Variants in SYT1 observed in about 807,000 individuals in gnomAD.
SYT1 encodes the protein synaptotagmin-1.
Under a neutral mutation model 44.8 loss-of-function variants are expected in SYT1, and 8 were observed. That is an observed-to-expected ratio of 0.18 (90% confidence interval 0.10 to 0.32). The LOEUF (loss-of-function observed/expected upper bound fraction) is 0.32, where lower values mean the gene tolerates loss of function less well. Ranked by LOEUF, SYT1 falls within the 10% of genes least tolerant of loss-of-function variation. The probability of loss-of-function intolerance (pLI) is 1.00; values close to 1 mark genes in which losing one functional copy is unlikely to be tolerated. For missense variants in SYT1, 286 were observed against 509.3 expected, an observed-to-expected ratio of 0.56 and a Z score of 4.22; for synonymous variants, 154 against 188.8, an observed-to-expected ratio of 0.82 and a Z score of 1.51.
chr12:79,393,207 A>C (rs1329404567), intron 9 of SYT1: 1 of 152,086 alleles, frequency 6.6e-6, no homozygotes. Context: ...TCTATTATTG[A>C]TGGACGTTTG....
intron 1 of SYT1, among the ~76,000 whole-genome samples, chr12:78,908,200 T>G (rs1281407503): frequency 1.3e-5 from 2 of 151,908 alleles, no homozygotes; most frequent in African/African-American, 2.4e-5. Context: ...TAACTTCATC[T>G]CCCTCTGCCT....
chr12:79,305,809 GC>G (rs1187925371), intron 8 of SYT1, among the ~76,000 whole-genome samples: 1 of 152,134 alleles, frequency 6.6e-6, no homozygotes, highest in Non-Finnish European at 1.5e-5. Flanking sequence ...CGATTCTCCT[GC>G]CTCAGCCGCC....
intron 1 of SYT1, among the ~76,000 whole-genome samples, chr12:78,911,303 T>C (rs926742582): frequency 2.0e-5 from 3 of 152,042 alleles, no homozygotes; most frequent in East Asian, 3.9e-4. Context: ...CTAGGAGAGA[T>C]GTCTTATAGA....
intron 3 of SYT1, among the ~76,000 whole-genome samples, chr12:79,108,559 A>T (rs1349001128): frequency 6.6e-6 from 1 of 152,104 alleles, no homozygotes; most frequent in East Asian, 1.9e-4. Context: ...TGCCCCTTGG[A>T]TAGGAATGCA....
chr12:79,449,509 A>G lies in SYT1; in HGVS notation c.*385A>G. The G allele has an allele frequency of 5.3e-6, 1 of 187,950 alleles. No individual in the cohort carries two copies. Among genetic ancestry groups the G allele is most frequent in the Non-Finnish European group, 1.1e-5 (1 of 89,662 alleles). The allele number at this position is 187,950 out of a possible 1,614,324, so 11.6% of individuals were successfully genotyped here. ...TTAATAAGATGTTCTATTTTAAACT[A>G]TGTAAATTGACTGAGATATAGGAGA... On this transcript the variant is annotated 3_prime_UTR_variant, in exon 11 of 11. Transcript: ENST00000261205.
chr12:79,226,729 A>G (rs1428599986), intron 4 of SYT1, among the ~76,000 whole-genome samples: 1 of 152,192 alleles, frequency 6.6e-6, no homozygotes, highest in African/African-American at 2.4e-5. Context: ...AAAACACAGC[A>G]TCATAAATAA....
At chr12:79,039,180 G>C (rs1486977661) in intron 2 of SYT1, among the ~76,000 whole-genome samples, 5 of 151,830 alleles carry the variant, frequency 3.3e-5, no homozygotes, top group Admixed American at 3.3e-4. Context: ...CTAAATCTCA[G>C]ATATATTTTC....
At chr12:79,284,157 T>C (rs1180453277) in intron 4 of SYT1, among the ~76,000 whole-genome samples, 1 of 152,088 alleles carries the variant, frequency 6.6e-6, no homozygotes, top group Non-Finnish European at 1.5e-5. Flanking sequence ...ATAGCTGTGA[T>C]TTGGATTATG....
chr12:78,948,954 T>G (rs1377943334), intron 1 of SYT1, among the ~76,000 whole-genome samples: 50 of 9,820 alleles, frequency 5.1e-3, no homozygotes, highest in Admixed American at 0.026. Context: ...AATCAAGGCC[T>G]ATTATATTAT....
chr12:78,875,591 T>G (rs558280363), intron 1 of SYT1, among the ~76,000 whole-genome samples: 7 of 151,718 alleles, frequency 4.6e-5, no homozygotes, highest in African/African-American at 1.2e-4. Flanking sequence ...GTTTTATGTG[T>G]TTCCCGTGCC....
At chr12:79,395,916 T>G (rs989483335) in intron 9 of SYT1, among the ~76,000 whole-genome samples, 3 of 152,236 alleles carry the variant, frequency 2.0e-5, no homozygotes, top group Admixed American at 2.0e-4. Context: ...TTAATAAATT[T>G]AGGGAGACAT....
chr12:79,432,390 T>A (rs943155991), intron 9 of SYT1, among the ~76,000 whole-genome samples: 9 of 145,934 alleles, frequency 6.2e-5, no homozygotes, highest in East Asian at 2.1e-4. Context: ...GAGGCCCCGG[T>A]GTGTGATGTT....
At chr12:79,272,724 G>T (rs1878496914) in intron 4 of SYT1, among the ~76,000 whole-genome samples, 1 of 152,138 alleles carries the variant, frequency 6.6e-6, no homozygotes, top group Non-Finnish European at 1.5e-5. Context: ...GATAACCAAG[G>T]GGCTGAGAAC....
intron 9 of SYT1, among the ~76,000 whole-genome samples, chr12:79,367,946 C>T (rs1883617296): frequency 6.6e-6 from 1 of 151,704 alleles, no homozygotes; most frequent in Admixed American, 6.6e-5. Context: ...GGTACATGTG[C>T]ACAATGCGCA....
rs553832658 is a variant in SYT1, at chr12:79,301,869, CT to C, written c.810+2319del. On this transcript the variant is annotated intron_variant, in intron 8 of 10. Transcript: ENST00000261205. Reference sequence around the variant, plus strand: ...TTTTTGGTTTTCAGTTAGACTATTTCTCTTTATCAAGGTATAGGTTATAAAA... The same window carrying C: ...TTTTTGGTTTTCAGTTAGACTATTTCCTTTATCAAGGTATAGGTTATAAAA... 1.1e-3 allele frequency among the ~76,000 whole-genome samples: 172 copies of C among 152,262 alleles called. 1 individual carries two copies. The highest frequency in any genetic ancestry group is 3.8e-3 in the African/African-American group (157 of 41,564).
chr12:78,997,836 A>G (rs918268447), intron 2 of SYT1, among the ~76,000 whole-genome samples: 3 of 152,186 alleles, frequency 2.0e-5, no homozygotes, highest in African/African-American at 7.2e-5. Context: ...CCTCATGGAA[A>G]GAGAACCACT....
chr12:79,002,516 A>G (rs930285725), intron 2 of SYT1, among the ~76,000 whole-genome samples: 1 of 151,984 alleles, frequency 6.6e-6, no homozygotes, highest in African/African-American at 2.4e-5. Context: ...TCACATTTTT[A>G]AAAGTTTTTC....
At chr12:79,200,744 A>G (rs1190951261) in intron 3 of SYT1, among the ~76,000 whole-genome samples, 1 of 152,170 alleles carries the variant, frequency 6.6e-6, no homozygotes, top group African/African-American at 2.4e-5. Flanking sequence ...GACAAAATCT[A>G]TACCAGTCAT....
intron 3 of SYT1, among the ~76,000 whole-genome samples, chr12:79,151,921 A>G (rs1428124806): frequency 6.6e-6 from 1 of 152,166 alleles, no homozygotes; most frequent in Non-Finnish European, 1.5e-5. Context: ...GTCAAACCAC[A>G]TAAAAGAGAC....
Sources: allele counts gnomAD v4.1 joint callset (sites outside exome capture counted in the v4.1 genomes callset), GRCh38; gene constraint gnomAD v4.1.1; transcripts MANE v1.5; gene names NCBI Gene and HGNC (gene_info 2026-07-23, HGNC 2026-07-21).